Variants in HES7 observed in about 807,000 individuals in gnomAD.
HES7 encodes transcription factor HES-7.
A neutral mutation model predicts 18.0 loss-of-function variants in HES7; 8 were observed. That is an observed-to-expected ratio of 0.45 (90% confidence interval 0.26 to 0.80). The LOEUF (loss-of-function observed/expected upper bound fraction) is 0.80, where lower values mean the gene tolerates loss of function less well. HES7 is among the 30% of genes least tolerant of loss of function. HES7 has a pLI of 0.18. For missense variants in HES7, 356 were observed against 340.9 expected (o/e 1.04, Z -0.35); for synonymous variants, 170 against 158.6 (o/e 1.07, Z -0.54).
upstream of HES7, among the ~76,000 whole-genome samples, chr17:8,124,441 T>C (rs1182496551): frequency 4.6e-5 from 7 of 152,202 alleles, no homozygotes; most frequent in African/African-American, 1.7e-4. Context: ...GGAGGCTTAC[T>C]GTACCCTCAC....
Position 8,121,500 on chromosome 17 carries a change from G to A in HES7, c.*71C>T, listed in dbSNP as rs1981316494. ...CAACACCTGCTCGCCCGGACGCCCG[G>A]GTCCCTCTGCTGCCCTCGGGCTGGA... On this transcript the variant is annotated 3_prime_UTR_variant, in exon 4 of 4. Coordinates refer to ENST00000541682, the MANE Select transcript of HES7 (RefSeq NM_001165967.2). 2 of 1,235,978 alleles carry A rather than the reference G, an allele frequency of 1.6e-6. No homozygotes were observed. Among genetic ancestry groups the A allele is most frequent in the South Asian group, 3.3e-5 (1 of 30,238 alleles). The allele number at this position is 1,235,978 out of a possible 1,614,324, so 76.6% of individuals were successfully genotyped here. A position where few individuals can be genotyped will look rare whatever the true frequency, so the allele number is the denominator to read the frequency against.
rs1034023078 is a variant in HES7 at position 8,122,682 on chromosome 17, C to G, written c.139-252G>C. ...AACGCGTGAGGAGGAGATTTGAAAC[C>G]GCAACCCAGGGAATGAAATTAACCA... is the stretch of plus-strand genomic sequence containing the variant. On this transcript the variant is annotated intron_variant, in intron 2 of 3. Transcript: ENST00000541682. The surrounding 1 kb of genome is among the most constrained non-coding windows in gnomAD (Gnocchi z 6.9). Among the ~76,000 whole-genome samples the G allele has an allele frequency of 6.6e-6, 1 of 152,086 alleles. No individual in the cohort carries two copies. The highest frequency in any genetic ancestry group is 1.5e-5 in the Non-Finnish European group (1 of 68,012).
upstream of HES7, among the ~76,000 whole-genome samples, chr17:8,126,018 AC>A (rs1176719380): frequency 8.1e-6 from 1 of 123,444 alleles, no homozygotes; most frequent in Non-Finnish European, 1.8e-5. Context: ...CAGCCTCCAC[AC>A]CCCCCTCCCT....
At position 8,122,206 on chromosome 17, in the gene HES7, G is replaced by T; in HGVS notation, c.226+137C>A. The T allele has an allele frequency of 1.1e-6, 1 of 911,372 alleles. No individual in the cohort carries two copies. Among genetic ancestry groups the T allele is most frequent in the Non-Finnish European group, 1.7e-6 (1 of 597,622 alleles). 56.5% of individuals were successfully genotyped at this position (911,372 alleles called of 1,614,324 possible). A position where few individuals can be genotyped will look rare whatever the true frequency, so the allele number is the denominator to read the frequency against. On this transcript the variant is annotated intron_variant, in intron 3 of 3. Transcript: ENST00000541682. The surrounding 1 kb of genome is among the most constrained non-coding windows in gnomAD (Gnocchi z 6.9). ...GACACAGAGACAGACACGCGCGGGTGTTATTAACCTCGCCTCGGAGCAGAA... is the reference window on the plus strand; with the variant it reads ...GACACAGAGACAGACACGCGCGGGTTTTATTAACCTCGCCTCGGAGCAGAA...
chr17:8,125,775 C>T (rs1030197086), upstream of HES7, among the ~76,000 whole-genome samples: 5 of 152,210 alleles, frequency 3.3e-5, no homozygotes, highest in Non-Finnish European at 7.3e-5. Flanking sequence ...AGAATTCTCG[C>T]CTGCCACGCG....
Position 8,123,974 on chromosome 17 carries a change from C to G in HES7, c.42+69G>C. 6.4e-7 allele frequency: 1 copy of G among 1,565,672 alleles called. No homozygotes were observed. Among genetic ancestry groups the G allele is most frequent in the Non-Finnish European group, 8.8e-7 (1 of 1,139,856 alleles). The stretch of plus-strand genomic sequence containing the variant: ...CTGCGTCCCCAGCCTCTCTCCAGAC[C>G]GACGGCGTCAGGGGCCCAGTCCCCT... On this transcript the variant is annotated intron_variant, in intron 1 of 3. Coordinates refer to ENST00000541682, the MANE Select transcript of HES7 (RefSeq NM_001165967.2). This position sits in a 1 kb window ranked among gnomAD's most constrained non-coding sequence, Gnocchi z 5.9.
chr17:8,126,583 G>A (rs868641987), upstream of HES7, among the ~76,000 whole-genome samples: 3 of 152,208 alleles, frequency 2.0e-5, no homozygotes, highest in South Asian at 2.1e-4. Context: ...GTCGGCCCGA[G>A]GGCGGGCGGG....
chr17:8,124,779 CA>C (rs991990605), upstream of HES7, among the ~76,000 whole-genome samples: 97 of 152,310 alleles, frequency 6.4e-4, no homozygotes, highest in African/African-American at 2.1e-3. Context: ...GTAGCTATTA[CA>C]GAAGCCCAGT....
rs977667131 is a variant in HES7 at position 8,122,954 on chromosome 17, G to C, written c.138+77C>G. ...GGGGCCAGGGTTGCCAACCAAGCTT[G>C]TGTCCCCACCCCAGTGGGAAGCCCT... is the stretch of plus-strand genomic sequence containing the variant. On this transcript the variant is annotated intron_variant, in intron 2 of 3. Coordinates refer to ENST00000541682, the MANE Select transcript of HES7 (RefSeq NM_001165967.2). The surrounding 1 kb of genome is among the most constrained non-coding windows in gnomAD (Gnocchi z 6.9). 6 of 1,209,834 alleles carry C rather than the reference G, an allele frequency of 5.0e-6. No homozygotes were observed. The highest frequency in any genetic ancestry group is 2.0e-5 in the Admixed American group (1 of 50,662). 74.9% of individuals were successfully genotyped at this position (1,209,834 alleles called of 1,614,324 possible). A position where few individuals can be genotyped will look rare whatever the true frequency, so the allele number is the denominator to read the frequency against.
rs1276658634 is a variant in HES7 at position 8,122,083 on chromosome 17, C to T, written c.227-46G>A. On this transcript the variant is annotated intron_variant, in intron 3 of 3. Coordinates refer to ENST00000541682, the MANE Select transcript of HES7 (RefSeq NM_001165967.2). This position sits in a 1 kb window ranked among gnomAD's most constrained non-coding sequence, Gnocchi z 6.9. Reference sequence around the variant, plus strand: ...ACAGGTGGGCAGGGCAGGGGCCCGGCAGGGGTGAGGGAAGGGGCGGGGCGC... The same window carrying T: ...ACAGGTGGGCAGGGCAGGGGCCCGGTAGGGGTGAGGGAAGGGGCGGGGCGC... The T allele has an allele frequency of 1.4e-6, 2 of 1,445,546 alleles. No homozygotes were observed. Among genetic ancestry groups the T allele is most frequent in the Non-Finnish European group, 1.8e-6 (2 of 1,100,006 alleles). The allele number at this position is 1,445,546 out of a possible 1,614,324, so 89.5% of individuals were successfully genotyped here. A position where few individuals can be genotyped will look rare whatever the true frequency, so the allele number is the denominator to read the frequency against.
rs1981407651 is a variant in HES7, at chr17:8,122,467, G to T, written c.139-37C>A. The T allele has an allele frequency of 7.0e-7, 1 of 1,425,688 alleles. No homozygotes were observed. The highest frequency in any genetic ancestry group is 9.7e-7 in the Non-Finnish European group (1 of 1,031,556). The allele number at this position is 1,425,688 out of a possible 1,614,324, so 88.3% of individuals were successfully genotyped here. On this transcript the variant is annotated intron_variant, in intron 2 of 3. Transcript: ENST00000541682. This position sits in a 1 kb window ranked among gnomAD's most constrained non-coding sequence, Gnocchi z 6.9. Reference sequence around the variant, plus strand: ...AGGGGAGGGCGCAGAGACAGAAAGGGGTGGGGAGAAAGGGGGAAAGTGGCA... The same window carrying T: ...AGGGGAGGGCGCAGAGACAGAAAGGTGTGGGGAGAAAGGGGGAAAGTGGCA...
rs901717045 is a variant in HES7, at chr17:8,120,625, A to G, written c.*946T>C. ...AAAACTAGTTTATTTGGGTGGGACTATATCTGGGAGTGGGGAGCGCCTGAG... is the reference window on the plus strand; with the variant it reads ...AAAACTAGTTTATTTGGGTGGGACTGTATCTGGGAGTGGGGAGCGCCTGAG... On this transcript the variant is annotated 3_prime_UTR_variant, in exon 4 of 4. Transcript: ENST00000541682. 2.6e-5 allele frequency: 4 copies of G among 152,264 alleles called. No individual in the cohort carries two copies. The highest frequency in any genetic ancestry group is 9.7e-5 in the African/African-American group (4 of 41,438). The allele number at this position is 152,264 out of a possible 1,614,324, so 9.4% of individuals were successfully genotyped here.
At position 8,122,045 on chromosome 17, in the gene HES7, G is replaced by T. The variant is rs1236112591; in HGVS notation, c.227-8C>A. ...CCCCTGGAGCCGCGGCGGCTGGTGC[G>T]GCCGGCGGGAGCACAGGTGGGCAGG... On this transcript the variant is annotated splice_polypyrimidine_tract_variant and splice_region_variant and intron_variant, in intron 3 of 3. Coordinates refer to ENST00000541682, the MANE Select transcript of HES7 (RefSeq NM_001165967.2). The surrounding 1 kb of genome is among the most constrained non-coding windows in gnomAD (Gnocchi z 6.9). 63 of 1,497,846 alleles carry T rather than the reference G, an allele frequency of 4.2e-5. No homozygotes were observed. The highest frequency in any genetic ancestry group is 5.5e-5 in the Non-Finnish European group (62 of 1,132,432). The allele number at this position is 1,497,846 out of a possible 1,614,324, so 92.8% of individuals were successfully genotyped here.
chr17:8,124,334 G>A (rs2151854956), upstream of HES7, among the ~76,000 whole-genome samples: 3 of 152,324 alleles, frequency 2.0e-5, 1 homozygote, highest in Middle Eastern at 6.8e-3. Context: ...CCGTAAGGCT[G>A]TATAAGGAGG....
chr17:8,125,823 C>T (rs1025963593), upstream of HES7, among the ~76,000 whole-genome samples: 1 of 152,222 alleles, frequency 6.6e-6, no homozygotes, highest in South Asian at 2.1e-4. Context: ...TGCACGAGTA[C>T]AGTTTTCTTT....
upstream of HES7, among the ~76,000 whole-genome samples, chr17:8,124,468 G>A (rs528151922): frequency 6.6e-6 from 1 of 152,150 alleles, no homozygotes; most frequent in Admixed American, 6.5e-5. Flanking sequence ...TGAAATAGAA[G>A]TTAGCACCTC....
Position 8,121,759 on chromosome 17 carries a change from C to G in HES7, c.505G>C (p.Val169Leu). Residue 169 changes from valine (V) to leucine (L), a missense_variant, in exon 4 of 4, where the codon GTG becomes CTG. By Grantham distance (32) the Val-to-Leu change is conservative. Coordinates refer to ENST00000541682, the MANE Select transcript of HES7 (RefSeq NM_001165967.2). The stretch of plus-strand genomic sequence containing the variant: ...CGCGGGCTAGGGTGGCCCTGGTGCA[C>G]TGGGGGGCGCTGGTGCAGCGCAGGG... ...LGPALHQRPP[V>L]HQGHPSPRCA... 6.7e-7 allele frequency: 1 copy of G among 1,500,782 alleles called. No homozygotes were observed. The highest frequency in any genetic ancestry group is 1.3e-5 in the South Asian group (1 of 78,356). The allele number at this position is 1,500,782 out of a possible 1,614,324, so 93.0% of individuals were successfully genotyped here. A position where few individuals can be genotyped will look rare whatever the true frequency, so the allele number is the denominator to read the frequency against.
chr17:8,124,190 C>A, upstream of HES7: 1 of 1,358,240 alleles, frequency 7.4e-7, no homozygotes, highest in Non-Finnish European at 1.0e-6. Context: ...CCTTCGACAT[C>A]CAGATTCTGC....
chr17:8,123,898 C>T lies in HES7; in HGVS notation c.42+145G>A, dbSNP rs968262715. The T allele has an allele frequency of 1.1e-5, 10 of 903,188 alleles. No homozygotes were observed. The highest frequency in any genetic ancestry group is 1.1e-4 in the Admixed American group (5 of 46,658). The allele number at this position is 903,188 out of a possible 1,614,324, so 55.9% of individuals were successfully genotyped here. On this transcript the variant is annotated intron_variant, in intron 1 of 3. Transcript: ENST00000541682. The surrounding 1 kb of genome is among the most constrained non-coding windows in gnomAD (Gnocchi z 5.9). Reference sequence around the variant, plus strand: ...CCCCTTCTTCATATTTTGCAGCTTCCTCTCCAGCTTCTGGCTCCTGGAGTT... The same window carrying T: ...CCCCTTCTTCATATTTTGCAGCTTCTTCTCCAGCTTCTGGCTCCTGGAGTT...
Sources: allele counts gnomAD v4.1 joint callset (sites outside exome capture counted in the v4.1 genomes callset), GRCh38; gene constraint gnomAD v4.1.1; non-coding constraint Gnocchi (gnomAD v3.1); transcripts MANE v1.5; gene names NCBI Gene and HGNC (gene_info 2026-07-23, HGNC 2026-07-21).